Variants in RAB37 observed in about 807,000 individuals in gnomAD.
RAB37 encodes the protein ras-related protein Rab-37.
A neutral mutation model predicts 33.1 loss-of-function variants in RAB37; 29 were observed. The ratio of observed to expected loss-of-function variants is 0.88; its 90% CI spans 0.65 to 1.20. RAB37 has a LOEUF of 1.20. Ranked by LOEUF, RAB37 falls within the 50% of genes most tolerant of loss-of-function variation. The pLI, the probability that RAB37 is intolerant of heterozygous loss-of-function variation, is 0.00. For synonymous variants in RAB37, 128 were observed against 119.5 expected (o/e 1.07, Z -0.47); for missense variants, 299 against 301.1 (o/e 0.99, Z 0.05).
intron 1 of RAB37, among the ~76,000 whole-genome samples, chr17:74,681,851 C>T (rs1017956027): frequency 3.3e-5 from 5 of 152,130 alleles, no homozygotes; most frequent in Non-Finnish European, 7.4e-5. Context: ...TGTCTACTGC[C>T]TTCCCTCTTC....
upstream of RAB37, chr17:74,736,431 C>T: frequency 1.6e-6 from 1 of 628,990 alleles, no homozygotes; most frequent in Non-Finnish European, 2.0e-6. Context: ...TCACCAGGAG[C>T]TGCCGGGTGC....
chr17:74,688,071 T>G (rs1357227416), intron 1 of RAB37, among the ~76,000 whole-genome samples: 1 of 152,194 alleles, frequency 6.6e-6, no homozygotes, highest in African/African-American at 2.4e-5. Context: ...GGTCAACCAA[T>G]ACCCTTCAGT....
chr17:74,687,133 T>C (rs1025830657), intron 1 of RAB37, among the ~76,000 whole-genome samples: 4 of 152,196 alleles, frequency 2.6e-5, no homozygotes, highest in African/African-American at 9.6e-5. Context: ...GAGCCCCTCC[T>C]CAGAGGTACC....
chr17:74,709,800 T>A (rs1265357937), intron 1 of RAB37, among the ~76,000 whole-genome samples: 1 of 152,108 alleles, frequency 6.6e-6, no homozygotes, highest in Non-Finnish European at 1.5e-5. Context: ...CTCAAACTCC[T>A]GGACTCAACC....
upstream of RAB37, chr17:74,737,214 G>GGGGGGGGGGGGGGGGGCC: frequency 1.6e-6 from 2 of 1,245,112 alleles, no homozygotes; most frequent in Non-Finnish European, 2.3e-6. Context: ...CGGGGGTGGG[G>GGGGGGGGGGGGGGGGGCC]CCGTTCCTGC....
rs2034373829 is a variant in RAB37 at position 74,730,722 on chromosome 17, C to A, written c.183+1356C>A. On this transcript the variant is annotated intron_variant, in intron 2 of 7. Transcript: ENST00000340415. The surrounding 1 kb of genome is among the most constrained non-coding windows in gnomAD (Gnocchi z 4.4). ...CAGCAGCCAGGGCACACCCTGCCCT[C>A]AGGGTCACACCCGCATCTCCTCACC... Among the ~76,000 whole-genome samples, 1 of 152,162 alleles carries A rather than the reference C, an allele frequency of 6.6e-6. No individual in the cohort carries two copies. Among genetic ancestry groups the A allele is most frequent in the East Asian group, 1.9e-4 (1 of 5,170 alleles).
At chr17:74,686,258 A>G (rs1041219561) in intron 1 of RAB37, among the ~76,000 whole-genome samples, 1 of 151,576 alleles carries the variant, frequency 6.6e-6, no homozygotes, top group Admixed American at 6.6e-5. Context: ...TGCCTGGCTA[A>G]TTTTTTGTAT....
Position 74,729,269 on chromosome 17 carries a change from G to C in RAB37, c.86G>C (p.Gly29Ala). 6.2e-7 allele frequency: 1 copy of C among 1,613,822 alleles called. No homozygotes were observed. The highest frequency in any genetic ancestry group is 8.5e-7 in the Non-Finnish European group (1 of 1,179,772). Residue 29 changes from glycine to alanine, a missense_variant, in exon 2 of 8, where the codon GGT becomes GCT. Gly to Ala is a moderately conservative substitution (Grantham distance 60). Coordinates refer to the RAB37 transcript ENST00000340415. This position sits in a 1 kb window ranked among gnomAD's most constrained non-coding sequence, Gnocchi z 4.2. ...GTTCCCTTCCAGACCATCCTGGTGG[G>C]TGACAGTGGTGTGGGAAAGACGTCT... is the stretch of plus-strand genomic sequence containing the variant.
chr17:74,694,879 C>T, intron 1 of RAB37: 1 of 472,008 alleles, frequency 2.1e-6, no homozygotes, highest in East Asian at 3.3e-5. Context: ...CCCTCCTCAA[C>T]TATGTAGGAG....
intron 1 of RAB37, among the ~76,000 whole-genome samples, chr17:74,721,424 C>A (rs1306228345): frequency 6.7e-6 from 1 of 149,856 alleles, no homozygotes; most frequent in Non-Finnish European, 1.5e-5. Flanking sequence ...ATACACATAT[C>A]TTGGTTTACT....
intron 1 of RAB37, among the ~76,000 whole-genome samples, chr17:74,715,451 T>A (rs1323358537): frequency 6.6e-6 from 1 of 152,168 alleles, no homozygotes; most frequent in African/African-American, 2.4e-5. Context: ...CTGCTGCATG[T>A]CAATAGGTCC....
chr17:74,725,487 T>C (rs1177271367), intron 1 of RAB37, among the ~76,000 whole-genome samples: 1 of 152,116 alleles, frequency 6.6e-6, no homozygotes, highest in African/African-American at 2.4e-5. Flanking sequence ...CCTCGCTTCA[T>C]GGGGAGGAGC....
intron 1 of RAB37, among the ~76,000 whole-genome samples, chr17:74,719,414 C>T (rs1368316302): frequency 6.6e-6 from 1 of 152,142 alleles, no homozygotes; most frequent in Non-Finnish European, 1.5e-5. Flanking sequence ...TCATGAGCCA[C>T]AGCACTCCAG....
At chr17:74,704,424 G>A in intron 1 of RAB37, 1 of 1,280,750 alleles carries the variant, frequency 7.8e-7, no homozygotes, top group South Asian at 1.3e-5. Context: ...GGACCTCAGA[G>A]ACCAGGACAG....
At chr17:74,737,434 T>A in intron 1 of RAB37, 69 bp downstream of exon 1, 1 of 1,464,168 alleles carries the variant, frequency 6.8e-7, no homozygotes, top group Non-Finnish European at 9.1e-7. Context: ...GCGTCTGGGT[T>A]GGACTCAGCC....
Position 74,744,285 on chromosome 17 carries a change from G to T in RAB37, c.367-23G>T, listed in dbSNP as rs201422817. 8.7e-6 allele frequency: 14 copies of T among 1,607,802 alleles called. No homozygotes were observed. Among genetic ancestry groups the T allele is most frequent in the Non-Finnish European group, 1.2e-5 (14 of 1,176,212 alleles). ...GGGCAGCAGGAGGAAGAGAATGCCAGTCTCGCACGCCCTCTCCCACAGGCC... is the reference window on the plus strand; with the variant it reads ...GGGCAGCAGGAGGAAGAGAATGCCATTCTCGCACGCCCTCTCCCACAGGCC... On this transcript the variant is annotated intron_variant, in intron 5 of 8. Coordinates refer to ENST00000392613, the MANE Select transcript of RAB37 (RefSeq NM_001006638.3). This position sits in a 1 kb window ranked among gnomAD's most constrained non-coding sequence, Gnocchi z 4.2.
At chr17:74,713,605 C>T (rs8073748) in intron 1 of RAB37, among the ~76,000 whole-genome samples, 10,019 of 152,006 alleles carry the variant, frequency 0.066, 427 homozygotes, top group East Asian at 0.16. Flanking sequence ...CTGATAGACA[C>T]GATGTCCTAA....
Position 74,727,959 on chromosome 17 carries a change from C to T in RAB37, c.73-1297C>T, listed in dbSNP as rs1410232407. ...TCTGTGAATGTGTGTGTCTGTGTGTCGGTGCCTGTGTATATGTGTCTGTGT... is the reference window on the plus strand; with the variant it reads ...TCTGTGAATGTGTGTGTCTGTGTGTTGGTGCCTGTGTATATGTGTCTGTGT... On this transcript the variant is annotated intron_variant, in intron 1 of 7. Coordinates refer to the RAB37 transcript ENST00000340415. Among the ~76,000 whole-genome samples, 6 of 150,564 alleles carry T rather than the reference C, an allele frequency of 4.0e-5. No homozygotes were observed. The South Asian group carries it at 6.4e-4, about 16-fold the overall frequency.
chr17:74,718,067 A>T (rs570178358), intron 1 of RAB37, among the ~76,000 whole-genome samples: 27 of 152,290 alleles, frequency 1.8e-4, no homozygotes, highest in Admixed American at 1.2e-3. Flanking sequence ...AGGCCAAGGC[A>T]GGCAGATCCC....
Sources: allele counts gnomAD v4.1 joint callset (sites outside exome capture counted in the v4.1 genomes callset), GRCh38; gene constraint gnomAD v4.1.1; non-coding constraint Gnocchi (gnomAD v3.1); transcripts MANE v1.5; gene names NCBI Gene and HGNC (gene_info 2026-07-23, HGNC 2026-07-21).